MED23: variants seen among roughly 807,000 people sequenced by gnomAD.
MED23 encodes mediator of RNA polymerase II transcription subunit 23.
A neutral mutation model predicts 163.9 loss-of-function variants in MED23; 105 were observed. That is an observed-to-expected ratio of 0.64 (90% CI 0.55 to 0.75). MED23 has a LOEUF of 0.75. Among genes scored for constraint, MED23 ranks in the 30% least tolerant of loss-of-function variants. MED23 has a pLI of 0.00. For synonymous variants in MED23, 561 were observed against 565.6 expected (o/e 0.99, Z 0.12); for missense variants, 1,054 against 1,649.0 (o/e 0.64, Z 6.25).
At position 131,624,875 on chromosome 6, in the gene MED23, G is replaced by T; in HGVS notation, c.274C>A (p.Leu92Ile). Reference sequence around the variant, plus strand: ...ACCCATTAAACGTACCTGGGTGGAAGGAGACCAGTCTCAACTGCCATTGCT... The same window carrying T: ...ACCCATTAAACGTACCTGGGTGGAATGAGACCAGTCTCAACTGCCATTGCT... Reference protein sequence around the residue: ...CLAMAVETGLLPPRLVCESLI... With the variant: ...CLAMAVETGLIPPRLVCESLI... Residue 92 changes from leucine (L) to isoleucine (I), a missense_variant, in exon 4 of 29, where the codon CTT becomes ATT. By Grantham distance (5) the Leu-to-Ile change is conservative. Transcript: ENST00000368068. 6.2e-7 allele frequency: 1 copy of T among 1,613,878 alleles called. No homozygotes were observed. Among genetic ancestry groups the T allele is most frequent in the South Asian group, 1.1e-5 (1 of 91,084 alleles).
chr6:131,595,523 A>G (rs1345422124), intron 22 of MED23, among the ~76,000 whole-genome samples: 1 of 152,156 alleles, frequency 6.6e-6, no homozygotes, highest in Non-Finnish European at 1.5e-5. Context: ...TGTCTTTCCA[A>G]TCTTATTTCT....
intron 6 of MED23, among the ~76,000 whole-genome samples, 169 bp downstream of exon 6, chr6:131,621,712 G>C (rs559872463): frequency 6.6e-6 from 1 of 152,068 alleles, no homozygotes; most frequent in Non-Finnish European, 1.5e-5. Flanking sequence ...AATTTAAAAT[G>C]TCCTTTTGAA....
Position 131,598,980 on chromosome 6 carries a change from T to G in MED23, c.2221-219A>C, listed in dbSNP as rs1346596032. On this transcript the variant is annotated intron_variant, in intron 18 of 28. Transcript: ENST00000368068. This position sits in a 1 kb window ranked among gnomAD's most constrained non-coding sequence, Gnocchi z 4.7. The stretch of plus-strand genomic sequence containing the variant: ...TTTCCTAGATTTCCTAAATGGAAAT[T>G]CTAAGTAAGCCTGAATTCAAAGCTT... Among the ~76,000 whole-genome samples the G allele has an allele frequency of 6.6e-6, 1 of 152,186 alleles. No individual in the cohort carries two copies. The highest frequency in any genetic ancestry group is 1.5e-5 in the Non-Finnish European group (1 of 68,024).
intron 17 of MED23, among the ~76,000 whole-genome samples, chr6:131,601,344 G>A (rs955290274): frequency 1.3e-5 from 2 of 152,088 alleles, no homozygotes; most frequent in Non-Finnish European, 2.9e-5. Context: ...AAATGTCAAC[G>A]TTTGCTAGAT....
chr6:131,586,436 A>G (rs774975621), downstream of MED23, among the ~76,000 whole-genome samples: 8 of 152,268 alleles, frequency 5.3e-5, no homozygotes, highest in Non-Finnish European at 8.8e-5. Context: ...GTCTGCAAAA[A>G]TTACTTTTAC....
chr6:131,581,356 T>G, intron 30 of MED23: 1 of 1,613,506 alleles, frequency 6.2e-7, no homozygotes, highest in Non-Finnish European at 8.5e-7. Flanking sequence ...GTATCTTTCC[T>G]CCTGAAGGAA....
chr6:131,594,036 T>C (rs1318711663), intron 23 of MED23, 63 bp downstream of exon 23: 4 of 1,376,044 alleles, frequency 2.9e-6, no homozygotes, highest in East Asian at 4.6e-5. Flanking sequence ...AAAGAAAAAA[T>C]ATATTCTCAT....
intron 10 of MED23, among the ~76,000 whole-genome samples, chr6:131,613,932 T>C (rs1403805272): frequency 1.3e-5 from 2 of 152,072 alleles, no homozygotes; most frequent in African/African-American, 4.8e-5. Flanking sequence ...GGGAGGGTAT[T>C]TGCAGCTCAA....
At chr6:131,610,390 A>G (rs538910274) in intron 10 of MED23, 144 bp from the exon 11 acceptor site, 12 of 775,492 alleles carry the variant, frequency 1.5e-5, no homozygotes, top group Non-Finnish European at 2.4e-5. Context: ...GATTTAGTCT[A>G]TTAAAGCTGC....
At chr6:131,618,132 A>G (rs1025179673) in intron 9 of MED23, among the ~76,000 whole-genome samples, 1 of 152,238 alleles carries the variant, frequency 6.6e-6, no homozygotes, top group Admixed American at 6.5e-5. Context: ...GACTTAATCA[A>G]GGAATCAATT....
At chr6:131,625,258 A>G (rs1777400224) in intron 3 of MED23, among the ~76,000 whole-genome samples, 1 of 152,250 alleles carries the variant, frequency 6.6e-6, no homozygotes, top group African/African-American at 2.4e-5. Flanking sequence ...ATTAGTTAAC[A>G]TATTAACGGT....
intron 1 of MED23, 83 bp downstream of exon 1, chr6:131,627,928 C>G: frequency 6.4e-7 from 1 of 1,567,506 alleles, no homozygotes; most frequent in Non-Finnish European, 8.8e-7. Context: ...GAGGAGGTTG[C>G]CCAGGCCAGT....
At position 131,591,536 on chromosome 6, in the gene MED23, T is replaced by C. The variant is rs1472064953; in HGVS notation, c.3472-9A>G. Reference sequence around the variant, plus strand: ...ACAATCCAATATGGCTCCTTTAAAATCGGAGGAAAGCTAGTGAAAAATATC... The same window carrying C: ...ACAATCCAATATGGCTCCTTTAAAACCGGAGGAAAGCTAGTGAAAAATATC... On this transcript the variant is annotated splice_polypyrimidine_tract_variant and intron_variant, in intron 25 of 28. Coordinates refer to ENST00000368068, the MANE Select transcript of MED23 (RefSeq NM_004830.4). 1.3e-6 allele frequency: 2 copies of C among 1,599,936 alleles called. No homozygotes were observed. Among genetic ancestry groups the C allele is most frequent in the South Asian group, 2.2e-5 (2 of 90,838 alleles).
intron 25 of MED23, 96 bp downstream of exon 25, chr6:131,592,292 G>A (rs138864704): frequency 3.6e-5 from 38 of 1,046,076 alleles, no homozygotes; most frequent in African/African-American, 3.0e-4. Context: ...ATGACGTCCC[G>A]TACAAGGGCA....
At chr6:131,626,432 G>A (rs1159863637) in intron 3 of MED23, among the ~76,000 whole-genome samples, 2 of 151,906 alleles carry the variant, frequency 1.3e-5, no homozygotes, top group Non-Finnish European at 2.9e-5. Flanking sequence ...AAGTAAGAAA[G>A]GAAGGAACAA....
chr6:131,621,124 C>A (rs1777068142), intron 6 of MED23, among the ~76,000 whole-genome samples: 1 of 152,022 alleles, frequency 6.6e-6, no homozygotes, highest in Admixed American at 6.6e-5. Flanking sequence ...TTAAACACTA[C>A]AATGACAATG....
chr6:131,597,493 A>G (rs925187916), intron 20 of MED23, among the ~76,000 whole-genome samples: 43 of 149,806 alleles, frequency 2.9e-4, no homozygotes, highest in Non-Finnish European at 6.0e-4. Context: ...AAAAAAAAAA[A>G]AAAAGAAAAA....
chr6:131,598,742 T>A lies in MED23; in HGVS notation c.2240A>T (p.Asn747Ile). The A allele has an allele frequency of 6.2e-7, 1 of 1,614,034 alleles. No homozygotes were observed. Among genetic ancestry groups the A allele is most frequent in the Non-Finnish European group, 8.5e-7 (1 of 1,179,968 alleles). ...GPLQAFFKQN[N>I]VPQESRFNLK... is the part of the protein sequence containing the mutation. ...ATTAAAACGGCTTTCCTGAGGCACA[T>A]TATTTTGTTTGAAGAATGCCTAAAA... The change falls in exon 19 of 29, where the codon AAT becomes ATT. Residue 747 changes from asparagine to isoleucine, a missense_variant. By Grantham distance (149) the Asn-to-Ile change is moderately radical. Transcript: ENST00000368068. The surrounding 1 kb of genome is among the most constrained non-coding windows in gnomAD (Gnocchi z 4.7).
rs749267405 is a variant in MED23 at position 131,587,848 on chromosome 6, T to G, written c.3940-2A>C. The G allele has an allele frequency of 1.1e-5, 18 of 1,609,916 alleles. No homozygotes were observed. In the South Asian group the frequency reaches 2.0e-4, roughly 18 times the overall value. ...TAAGTTACAGATAATCTTCTCTACC[T>G]AAGAAATAAAAACACATTAAAACGT... On this transcript the variant is annotated splice_acceptor_variant, in intron 28 of 28. Coordinates refer to ENST00000368068, the MANE Select transcript of MED23 (RefSeq NM_004830.4). LOFTEE classifies it high-confidence loss of function.
Sources: allele counts gnomAD v4.1 joint callset (sites outside exome capture counted in the v4.1 genomes callset), GRCh38; gene constraint gnomAD v4.1.1; non-coding constraint Gnocchi (gnomAD v3.1); transcripts MANE v1.5; gene names NCBI Gene and HGNC (gene_info 2026-07-23, HGNC 2026-07-21).